DSCAM: variants seen among roughly 807,000 people sequenced by gnomAD.
The protein encoded by DSCAM is cell adhesion molecule DSCAM.
Under a neutral mutation model 217.7 loss-of-function variants are expected in DSCAM, and 47 were observed. That is an observed-to-expected ratio of 0.22 (90% confidence interval 0.17 to 0.28). DSCAM has a LOEUF of 0.28. Among genes scored for constraint, DSCAM ranks in the 10% least tolerant of loss-of-function variants. The pLI, the probability that DSCAM is intolerant of heterozygous loss-of-function variation, is 1.00. For missense variants in DSCAM, 2,080 were observed against 2,618.3 expected (o/e 0.79, Z 4.49); for synonymous variants, 1,056 against 1,015.3 (o/e 1.04, Z -0.76).
Position 40,304,515 on chromosome 21 carries a change from A to C in DSCAM, c.2062+7566T>G, listed in dbSNP as rs770445981. Reference sequence around the variant, plus strand: ...CAAGAACTTTTCCTTTGTGTTTACAATGTGGCAAACAGTTTGGCATAGGAA... The same window carrying C: ...CAAGAACTTTTCCTTTGTGTTTACACTGTGGCAAACAGTTTGGCATAGGAA... On this transcript the variant is annotated intron_variant, in intron 9 of 32. Coordinates refer to ENST00000400454, the MANE Select transcript of DSCAM (RefSeq NM_001389.5). 2.6e-5 allele frequency among the ~76,000 whole-genome samples: 4 copies of C among 152,352 alleles called. No homozygotes were observed. In the South Asian group the frequency reaches 6.2e-4, roughly 24 times the overall value.
At chr21:40,556,770 C>A (rs1287760255) in intron 3 of DSCAM, among the ~76,000 whole-genome samples, 2 of 152,162 alleles carry the variant, frequency 1.3e-5, no homozygotes, top group Non-Finnish European at 2.9e-5. Context: ...GATGGATCCA[C>A]CCCCATGACG....
intron 1 of DSCAM, among the ~76,000 whole-genome samples, chr21:40,782,006 A>AG (rs1284001277): frequency 1.3e-5 from 2 of 149,624 alleles, no homozygotes; most frequent in African/African-American, 2.4e-5. Flanking sequence ...AAAAAAAAAA[A>AG]AAAAGAAAAA....
At chr21:40,232,945 A>G (rs2091394826) in intron 11 of DSCAM, among the ~76,000 whole-genome samples, 1 of 152,150 alleles carries the variant, frequency 6.6e-6, no homozygotes, top group South Asian at 2.1e-4. Flanking sequence ...GAAATTAAAT[A>G]TGTATAATTT....
chr21:40,410,254 G>A (rs1467697706), intron 3 of DSCAM, among the ~76,000 whole-genome samples: 3 of 152,018 alleles, frequency 2.0e-5, no homozygotes, highest in African/African-American at 7.2e-5. Flanking sequence ...GTTGGGCAAT[G>A]CAGAAGAAAT....
At position 40,187,036 on chromosome 21, in the gene DSCAM, T is replaced by C. The variant is rs150336308; in HGVS notation, c.2779+95A>G. The C allele has an allele frequency of 7.3e-3, 10,701 of 1,475,598 alleles. 68 individuals carry two copies. The highest frequency in any genetic ancestry group is 9.3e-3 in the Non-Finnish European group (10,067 of 1,088,038). The allele number at this position is 1,475,598 out of a possible 1,614,324, so 91.4% of individuals were successfully genotyped here. A position where few individuals can be genotyped will look rare whatever the true frequency, so the allele number is the denominator to read the frequency against. ...TGGTGCCCTCTGAGCTCCTGTGAGCTGAGCTGTGCGCTTACAGGTAAAACA... is the reference window on the plus strand; with the variant it reads ...TGGTGCCCTCTGAGCTCCTGTGAGCCGAGCTGTGCGCTTACAGGTAAAACA... On this transcript the variant is annotated intron_variant, in intron 14 of 32. Coordinates refer to ENST00000400454, the MANE Select transcript of DSCAM (RefSeq NM_001389.5).
chr21:40,647,313 G>A (rs1291147370), intron 3 of DSCAM, among the ~76,000 whole-genome samples: 1 of 152,010 alleles, frequency 6.6e-6, no homozygotes, highest in Non-Finnish European at 1.5e-5. Flanking sequence ...CTTATTTCTG[G>A]AACATTAAAA....
chr21:40,833,156 T>G, intron 1 of DSCAM, among the ~76,000 whole-genome samples: 1 of 151,904 alleles, frequency 6.6e-6, no homozygotes, highest in East Asian at 1.9e-4. Context: ...GAGAAAAAGA[T>G]TTCATGGACT....
At chr21:40,687,597 G>A (rs1265989454) in intron 3 of DSCAM, among the ~76,000 whole-genome samples, 1 of 152,116 alleles carries the variant, frequency 6.6e-6, no homozygotes. Flanking sequence ...TCTGCTCTTA[G>A]TTCTGGTTTG....
intron 11 of DSCAM, among the ~76,000 whole-genome samples, chr21:40,251,904 C>A (rs1008237292): frequency 1.3e-5 from 2 of 152,140 alleles, no homozygotes; most frequent in Admixed American, 1.3e-4. Context: ...AAGCAAGCAG[C>A]CATGTTGCAG....
chr21:40,308,381 G>A (rs73227035), intron 9 of DSCAM, among the ~76,000 whole-genome samples: 10,717 of 152,054 alleles, frequency 0.07, 505 homozygotes, highest in African/African-American at 0.13. Flanking sequence ...CTGAGATTGC[G>A]GCTGAATTCC....
Position 40,347,959 on chromosome 21 carries a change from T to A in DSCAM, c.935-14A>T. The A allele has an allele frequency of 6.2e-7, 1 of 1,601,972 alleles. No individual in the cohort carries two copies. Among genetic ancestry groups the A allele is most frequent in the Non-Finnish European group, 8.5e-7 (1 of 1,173,514 alleles). On this transcript the variant is annotated splice_polypyrimidine_tract_variant and intron_variant, in intron 5 of 32. Transcript: ENST00000400454. ...CTTTCAGTGGCTCTGGAGGTTTTAG[T>A]AAGAGAGAGAGAAAAAAGATAAAAA...
intron 11 of DSCAM, among the ~76,000 whole-genome samples, chr21:40,213,643 G>A (rs1436885718): frequency 6.6e-6 from 1 of 152,148 alleles, no homozygotes; most frequent in Admixed American, 6.5e-5. Flanking sequence ...TAGAAGCGAA[G>A]GGAAACCTGG....
At chr21:40,204,225 A>G (rs2091100233) in intron 11 of DSCAM, among the ~76,000 whole-genome samples, 1 of 152,168 alleles carries the variant, frequency 6.6e-6, no homozygotes. Flanking sequence ...GTACCCATGA[A>G]TGTGCCTGTG....
At chr21:40,140,114 T>C (rs1020855198) in intron 18 of DSCAM, among the ~76,000 whole-genome samples, 2 of 152,028 alleles carry the variant, frequency 1.3e-5, no homozygotes, top group African/African-American at 4.8e-5. Flanking sequence ...GGGGAGTTTG[T>C]GCAAAAGTGT....
At chr21:40,709,727 T>A (rs1183172001) in intron 1 of DSCAM, among the ~76,000 whole-genome samples, 1 of 152,254 alleles carries the variant, frequency 6.6e-6, no homozygotes, top group Non-Finnish European at 1.5e-5. Context: ...ATTTTCTTTA[T>A]CCAGTCTATC....
intron 6 of DSCAM, 93 bp from the exon 7 acceptor site, chr21:40,339,508 G>T (rs1333384548): frequency 1.6e-6 from 2 of 1,279,458 alleles, no homozygotes; most frequent in Admixed American, 2.6e-5. Flanking sequence ...GGTAAATGTC[G>T]TAGTTGTTAA....
At chr21:40,840,637 T>C (rs981782077) in intron 1 of DSCAM, among the ~76,000 whole-genome samples, 1 of 152,128 alleles carries the variant, frequency 6.6e-6, no homozygotes, top group Non-Finnish European at 1.5e-5. Flanking sequence ...AATATGAATC[T>C]CTTTTTGAAA....
chr21:40,442,817 T>A (rs1305247262), intron 3 of DSCAM, among the ~76,000 whole-genome samples: 2 of 152,118 alleles, frequency 1.3e-5, no homozygotes, highest in Admixed American at 1.3e-4. Context: ...GCCGAGTTAA[T>A]TTTTTATTAA....
chr21:40,451,716 G>A lies in DSCAM; in HGVS notation c.509-82471C>T, dbSNP rs549329199. On this transcript the variant is annotated intron_variant, in intron 3 of 32. Coordinates refer to ENST00000400454, the MANE Select transcript of DSCAM (RefSeq NM_001389.5). ...CAAATAAATCAAATCACTAGGGTTC[G>A]AATTTCAGGGTGGCTGGAGGATGTG... Among the ~76,000 whole-genome samples, 13 of 152,256 alleles carry A rather than the reference G, an allele frequency of 8.5e-5. No homozygotes were observed. The East Asian group carries it at 2.3e-3, about 27-fold the overall frequency.
Sources: gnomAD v4.1 joint callset for allele counts (sites outside exome capture counted in the v4.1 genomes callset) on GRCh38, gnomAD v4.1.1 for gene constraint, MANE v1.5 for transcripts, NCBI Gene and HGNC (gene_info 2026-07-23, HGNC 2026-07-21) for gene names.